The following DNAH10 variants were observed in gnomAD, a reference collection of about 807,000 sequenced individuals.
DNAH10 encodes the protein axonemal beta dynein heavy chain 10.
Under a neutral mutation model 506.6 loss-of-function variants are expected in DNAH10, and 348 were observed. That is an observed-to-expected ratio of 0.69 (90% CI 0.63 to 0.75). The LOEUF is 0.75. DNAH10 is among the 30% of genes least tolerant of loss of function. DNAH10 has a pLI of 0.00. For missense variants in DNAH10, 5,179 were observed against 5,787.1 expected (o/e 0.89, Z 3.41); for synonymous variants, 2,059 against 2,198.6 (o/e 0.94, Z 1.78).
chr12:123,925,181 T>A lies in DNAH10; in HGVS notation c.11898T>A (p.Tyr3966Ter), dbSNP rs1364603121. ...VDRVYRAVTD[Y>*]VTVTMGEKYV... ...GGGTCTATCGGGCCGTGACTGACTA[T>A]GTGACTGTAACAATGGGAGAGAAGT... The change falls in exon 68 of 79, where the codon TAT (tyrosine) becomes TAA (stop). Residue 3966 changes from tyrosine to a stop codon, truncating the protein, a stop_gained. Coordinates refer to ENST00000673944, the MANE Select transcript of DNAH10 (RefSeq NM_001372106.1). LOFTEE classifies it high-confidence loss of function. This position sits in a 1 kb window ranked among gnomAD's most constrained non-coding sequence, Gnocchi z 4.0. 2 of 1,613,760 alleles carry A rather than the reference T, an allele frequency of 1.2e-6. No individual in the cohort carries two copies. The highest frequency in any genetic ancestry group is 1.7e-5 in the Admixed American group (1 of 59,996).
chr12:123,931,514 T>C (rs1466203188), intron 74 of DNAH10, 42 bp downstream of exon 74: 6 of 1,608,198 alleles, frequency 3.7e-6, no homozygotes, highest in Non-Finnish European at 5.1e-6. Context: ...TGATTGGGGT[T>C]TTACGATTGC....
intron 21 of DNAH10, among the ~76,000 whole-genome samples, chr12:123,817,949 C>CTTTTTTTT (rs369200478): frequency 2.2e-5 from 3 of 138,312 alleles, no homozygotes; most frequent in African/African-American, 2.6e-5. Context: ...TTCTTTTTCT[C>CTTTTTTTT]TTTTTTTTTT....
At chr12:123,801,854 TAGAG>T (rs556032960) in intron 16 of DNAH10, among the ~76,000 whole-genome samples, 129 of 152,348 alleles carry the variant, frequency 8.5e-4, no homozygotes, top group Non-Finnish European at 1.4e-3. Context: ...ACAGTCGAGA[TAGAG>T]AGCATTTTCA....
intron 19 of DNAH10, 92 bp downstream of exon 19, chr12:123,809,045 C>G: frequency 6.9e-7 from 1 of 1,446,256 alleles, no homozygotes; most frequent in Non-Finnish European, 9.5e-7. Context: ...TGAGCCACTG[C>G]CCAAGGTGGA....
chr12:123,923,562 C>T (rs1954818768), intron 65 of DNAH10: 1 of 475,864 alleles, frequency 2.1e-6, no homozygotes, highest in Non-Finnish European at 3.7e-6. Context: ...CATGTCACTA[C>T]AGACTGGGGC....
chr12:123,803,902 G>A (rs536185433), intron 17 of DNAH10, 77 bp downstream of exon 17: 9 of 1,338,272 alleles, frequency 6.7e-6, no homozygotes, highest in Non-Finnish European at 9.2e-6. Context: ...GTGTATATAT[G>A]TACCTATAAA....
At chr12:123,863,116 G>T (rs75010816) in intron 39 of DNAH10, among the ~76,000 whole-genome samples, 1 of 152,152 alleles carries the variant, frequency 6.6e-6, no homozygotes, top group Admixed American at 6.6e-5. Context: ...GGAAAAAAAA[G>T]ATCTAACTGC....
chr12:123,804,784 G>A, intron 17 of DNAH10, 49 bp from the exon 18 acceptor site: 1 of 1,571,674 alleles, frequency 6.4e-7, no homozygotes. Flanking sequence ...TTTGAGTGCT[G>A]TCCTTCCCTG....
chr12:123,791,390 G>A (rs1180461673), intron 11 of DNAH10, among the ~76,000 whole-genome samples: 2 of 152,144 alleles, frequency 1.3e-5, no homozygotes, highest in East Asian at 3.8e-4. Context: ...AGCGTAATTA[G>A]GAGCATCCCC....
intron 51 of DNAH10, among the ~76,000 whole-genome samples, chr12:123,886,019 A>C (rs1221969496): frequency 6.6e-6 from 1 of 152,234 alleles, no homozygotes; most frequent in Non-Finnish European, 1.5e-5. Flanking sequence ...ATTTGTAAAA[A>C]AGGGAAAAAC....
rs554061180 is a variant in DNAH10, at chr12:123,787,684, G to A, written c.1422-120G>A. 6.7e-5 allele frequency: 83 copies of A among 1,229,944 alleles called. No individual in the cohort carries two copies. In the East Asian group the frequency reaches 1.9e-3, roughly 28 times the overall value. 76.2% of individuals were successfully genotyped at this position (1,229,944 alleles called of 1,614,324 possible). A position where few individuals can be genotyped will look rare whatever the true frequency, so the allele number is the denominator to read the frequency against. On this transcript the variant is annotated intron_variant, in intron 9 of 78. Coordinates refer to ENST00000673944, the MANE Select transcript of DNAH10 (RefSeq NM_001372106.1). This position sits in a 1 kb window ranked among gnomAD's most constrained non-coding sequence, Gnocchi z 4.6. ...CCGCTCTGCCTTTTCCGATGAGGCC[G>A]TGAAACCAGGGGGGGCGCCCGGGTC...
chr12:123,885,674 A>C (rs1952698615), intron 51 of DNAH10, among the ~76,000 whole-genome samples: 1 of 152,174 alleles, frequency 6.6e-6, no homozygotes, highest in Non-Finnish European at 1.5e-5. Flanking sequence ...TGTCCTTATT[A>C]ACAACCAATC....
intron 23 of DNAH10, among the ~76,000 whole-genome samples, chr12:123,819,864 C>G (rs987543676): frequency 6.6e-6 from 1 of 151,966 alleles, no homozygotes; most frequent in Non-Finnish European, 1.5e-5. Flanking sequence ...GCCACCATGC[C>G]TTGCTAATTT....
At chr12:123,835,628 C>A in intron 28 of DNAH10, 100 bp downstream of exon 28, 5 of 1,461,432 alleles carry the variant, frequency 3.4e-6, no homozygotes, top group Non-Finnish European at 4.6e-6. Flanking sequence ...TTAGTAGCTT[C>A]TCTCTCATTT....
rs1383690518 is a variant in DNAH10 at position 123,896,148 on chromosome 12, C to CACACACAT, written c.9280+1426_9280+1427insCACACATA. 4.0e-3 allele frequency among the ~76,000 whole-genome samples: 381 copies of CACACACAT among 95,318 alleles called. 7 individuals are homozygous for CACACACAT. The highest frequency in any genetic ancestry group is 6.7e-3 in the South Asian group (18 of 2,696). The allele number at this position is 95,318 out of a possible 152,430, so 62.5% of individuals were successfully genotyped here. A position where few individuals can be genotyped will look rare whatever the true frequency, so the allele number is the denominator to read the frequency against. On this transcript the variant is annotated intron_variant, in intron 54 of 78. Coordinates refer to ENST00000673944, the MANE Select transcript of DNAH10 (RefSeq NM_001372106.1). ...ACACACACACACACACACACACACA[C>CACACACAT]AGAGAGAGAGAGAGAGAGAGAGAGA...
At chr12:123,924,101 G>T in intron 66 of DNAH10, 177 bp from the exon 67 acceptor site, 1 of 859,986 alleles carries the variant, frequency 1.2e-6, no homozygotes, top group Non-Finnish European at 1.7e-6. Flanking sequence ...GCTGGATGCT[G>T]CACTGAGCGC....
At chr12:123,901,006 T>C (rs565400264) in intron 56 of DNAH10, among the ~76,000 whole-genome samples, 2 of 152,308 alleles carry the variant, frequency 1.3e-5, no homozygotes, top group African/African-American at 4.8e-5. Flanking sequence ...ATGGGATACA[T>C]TGACACGTCC....
Position 123,867,417 on chromosome 12 carries a change from A to G in DNAH10, c.7168-50A>G, listed in dbSNP as rs747703500. On this transcript the variant is annotated intron_variant, in intron 41 of 78. Coordinates refer to ENST00000673944, the MANE Select transcript of DNAH10 (RefSeq NM_001372106.1). ...CAAGAAAAGCTTTCCACTAACTTCC[A>G]TTTAAATAAACAAACCCTTGAAATG... The G allele has an allele frequency of 3.1e-5, 48 of 1,571,496 alleles. No homozygotes were observed. The Admixed American group carries it at 8.6e-4, about 28-fold the overall frequency.
intron 24 of DNAH10, among the ~76,000 whole-genome samples, chr12:123,824,447 C>T (rs963244318): frequency 4.6e-5 from 7 of 152,042 alleles, no homozygotes; most frequent in African/African-American, 9.7e-5. Flanking sequence ...TGTCCAGGTG[C>T]GGAAGGTACT....
Sources: gnomAD v4.1 joint callset for allele counts (sites outside exome capture counted in the v4.1 genomes callset) on GRCh38, gnomAD v4.1.1 for gene constraint, Gnocchi (gnomAD v3.1) non-coding constraint, MANE v1.5 for transcripts, NCBI Gene and HGNC (gene_info 2026-07-23, HGNC 2026-07-21) for gene names.